Variants in KAZN observed in about 807,000 individuals in gnomAD.
KAZN encodes the protein kazrin, periplakin interacting protein, also known as kazrin.
In KAZN, 40 loss-of-function variants were observed where a neutral mutation model predicts 87.4. That is an observed-to-expected ratio of 0.46 (90% CI 0.36 to 0.60). The LOEUF is 0.60. KAZN is among the 20% of genes least tolerant of loss of function. The pLI is 0.00. For missense variants in KAZN, 898 were observed against 1,073.9 expected, an observed-to-expected ratio of 0.84 and a Z score of 2.29; for synonymous variants, 466 against 458.3, an observed-to-expected ratio of 1.02 and a Z score of -0.22.
chr1:14,434,055 T>C (rs1345396916), intron 2 of KAZN, among the ~76,000 whole-genome samples: 1 of 151,574 alleles, frequency 6.6e-6, no homozygotes, highest in Non-Finnish European at 1.5e-5. Flanking sequence ...GAACATAACT[T>C]GATGTTTAAG....
chr1:14,709,486 G>C (rs1250779346), intron 1 of KAZN, among the ~76,000 whole-genome samples: 1 of 152,122 alleles, frequency 6.6e-6, no homozygotes, highest in African/African-American at 2.4e-5. Flanking sequence ...CAGTGGCCCA[G>C]AAGAACCTTC....
chr1:14,809,747 T>C (rs1384301953), intron 1 of KAZN, among the ~76,000 whole-genome samples: 2 of 152,182 alleles, frequency 1.3e-5, no homozygotes, highest in Non-Finnish European at 2.9e-5. Flanking sequence ...GTGTGGGTGG[T>C]AGGCATTGCT....
intron 1 of KAZN, among the ~76,000 whole-genome samples, chr1:14,823,145 C>T (rs923471854): frequency 6.6e-6 from 1 of 152,224 alleles, no homozygotes; most frequent in Non-Finnish European, 1.5e-5. Flanking sequence ...TGGCACCACA[C>T]CTGGGAAGGC....
chr1:14,800,347 G>A (rs1210669365), intron 1 of KAZN, among the ~76,000 whole-genome samples: 3 of 152,170 alleles, frequency 2.0e-5, no homozygotes, highest in East Asian at 3.8e-4. Flanking sequence ...TCCAACAAAA[G>A]GTGAATGAAT....
chr1:13,973,807 C>A (rs945038212), intron 1 of KAZN, among the ~76,000 whole-genome samples: 10 of 152,244 alleles, frequency 6.6e-5, no homozygotes, highest in African/African-American at 2.4e-4. Flanking sequence ...GCTGTGTGAT[C>A]TCCATCCTGG....
At chr1:14,971,953 C>A (rs1285404745) in intron 2 of KAZN, among the ~76,000 whole-genome samples, 4 of 152,118 alleles carry the variant, frequency 2.6e-5, no homozygotes, top group Non-Finnish European at 4.4e-5. Flanking sequence ...ATGCTCCAGC[C>A]CCCGGAAATG....
intron 1 of KAZN, among the ~76,000 whole-genome samples, chr1:14,751,092 G>A (rs544619903): frequency 2.6e-5 from 4 of 152,284 alleles, no homozygotes; most frequent in Admixed American, 2.6e-4. Context: ...GTATGTTCTT[G>A]TCTGTTTTGA....
intron 2 of KAZN, among the ~76,000 whole-genome samples, chr1:15,013,483 G>T (rs1669782810): frequency 6.6e-6 from 1 of 152,208 alleles, no homozygotes. Context: ...GCCAGGCACG[G>T]TGGCTCATGC....
intron 1 of KAZN, among the ~76,000 whole-genome samples, chr1:14,890,258 G>GAAC (rs1260797525): frequency 6.6e-6 from 1 of 152,120 alleles, no homozygotes; most frequent in Non-Finnish European, 1.5e-5. Context: ...ATGGAAGATT[G>GAAC]AACAAAAAGC....
At chr1:14,296,825 C>CG (rs1654160230) in intron 2 of KAZN, among the ~76,000 whole-genome samples, 1 of 151,750 alleles carries the variant, frequency 6.6e-6, no homozygotes, top group African/African-American at 2.4e-5. Flanking sequence ...TTAGTAGAGA[C>CG]GGGATTTCAC....
At chr1:13,940,960 G>T (rs6687514) in intron 1 of KAZN, among the ~76,000 whole-genome samples, 3 of 152,188 alleles carry the variant, frequency 2.0e-5, no homozygotes, top group African/African-American at 7.2e-5. Context: ...TTTGGGAGGC[G>T]GAAGTGGGTG....
At chr1:13,992,849 G>A (rs72640538) in intron 1 of KAZN, among the ~76,000 whole-genome samples, 22,107 of 151,992 alleles carry the variant, frequency 0.15, 1,718 homozygotes, top group Middle Eastern at 0.2. Context: ...GTTCAGAATT[G>A]GCCAAATGTG....
At chr1:15,110,485 G>GTA (rs1438713796) in intron 13 of KAZN, among the ~76,000 whole-genome samples, 920 of 46,212 alleles carry the variant, frequency 0.02, 14 homozygotes, top group African/African-American at 0.068. Flanking sequence ...GTGTATTTGT[G>GTA]TGTGTATGTA....
chr1:14,958,475 T>A (rs74059702), intron 1 of KAZN, among the ~76,000 whole-genome samples: 1,903 of 151,836 alleles, frequency 0.013, 32 homozygotes, highest in African/African-American at 0.043. Context: ...CATGGAGCAC[T>A]TCCTGTGTAC....
At chr1:15,031,948 A>T (rs1032575668) in intron 2 of KAZN, among the ~76,000 whole-genome samples, 5 of 151,876 alleles carry the variant, frequency 3.3e-5, no homozygotes, top group Non-Finnish European at 7.4e-5. Flanking sequence ...TTGACATGTA[A>T]TTCACATACC....
At chr1:14,059,955 C>T (rs1247229560) in intron 1 of KAZN, among the ~76,000 whole-genome samples, 1 of 152,186 alleles carries the variant, frequency 6.6e-6, no homozygotes. Flanking sequence ...AGCCTATCCT[C>T]AAGTCAATAC....
intron 1 of KAZN, among the ~76,000 whole-genome samples, chr1:14,912,586 G>C (rs1010278622): frequency 1.3e-5 from 2 of 152,074 alleles, no homozygotes; most frequent in South Asian, 4.2e-4. Context: ...TCACCATGTT[G>C]CCCAGGCTGG....
intron 1 of KAZN, among the ~76,000 whole-genome samples, chr1:14,138,155 A>G (rs1645152303): frequency 6.6e-6 from 1 of 151,932 alleles, no homozygotes; most frequent in Admixed American, 6.6e-5. Flanking sequence ...ACTACTAGAA[A>G]ATCTGCCCAC....
At chr1:14,977,052 C>T (rs1665708749) in intron 2 of KAZN, among the ~76,000 whole-genome samples, 1 of 152,146 alleles carries the variant, frequency 6.6e-6, no homozygotes, top group Non-Finnish European at 1.5e-5. Flanking sequence ...GAGACTCCAT[C>T]TCAAATTAAA....
Sources: allele counts gnomAD v4.1 joint callset (sites outside exome capture counted in the v4.1 genomes callset), GRCh38; gene constraint gnomAD v4.1.1; transcripts MANE v1.5; gene names NCBI Gene and HGNC (gene_info 2026-07-23, HGNC 2026-07-21).